The following ST3GAL3 variants were observed in gnomAD, a reference collection of about 807,000 sequenced individuals.
ST3GAL3 encodes the protein ST3 beta-galactoside alpha-2,3-sialyltransferase 3.
ST3GAL3 carries 21 observed loss-of-function variants against 50.1 expected under a neutral mutation model. That is an observed-to-expected ratio of 0.42 (90% CI 0.30 to 0.60). ST3GAL3 has a LOEUF of 0.60. ST3GAL3 is among the 20% of genes least tolerant of loss of function. The pLI, the probability that ST3GAL3 is intolerant of heterozygous loss-of-function variation, is 0.19. For synonymous variants in ST3GAL3, 183 were observed against 190.0 expected (o/e 0.96, Z 0.30); for missense variants, 353 against 489.4 (o/e 0.72, Z 2.63).
At chr1:43,740,337 C>CAA (rs879854207) in intron 2 of ST3GAL3, among the ~76,000 whole-genome samples, 4 of 77,524 alleles carry the variant, frequency 5.2e-5, no homozygotes, top group South Asian at 4.1e-4. Flanking sequence ...GACTCAGTCT[C>CAA]AAAAAAAAAA....
At chr1:43,874,413 A>C (rs188948267) in intron 5 of ST3GAL3, among the ~76,000 whole-genome samples, 23 of 152,348 alleles carry the variant, frequency 1.5e-4, no homozygotes, top group Admixed American at 1.2e-3. Flanking sequence ...GATGGAGATA[A>C]AATGAATAGG....
intron 2 of ST3GAL3, among the ~76,000 whole-genome samples, chr1:43,749,462 A>G (rs578246612): frequency 1.3e-5 from 2 of 152,324 alleles, no homozygotes; most frequent in African/African-American, 4.8e-5. Context: ...TAAGGAGGCA[A>G]ACAACCTAGT....
intron 5 of ST3GAL3, among the ~76,000 whole-genome samples, chr1:43,843,131 G>C (rs1348820989): frequency 2.6e-5 from 4 of 152,210 alleles, no homozygotes; most frequent in African/African-American, 9.7e-5. Flanking sequence ...AAATAGGTGA[G>C]GTGAGAGTGA....
chr1:43,805,338 A>G (rs1172527157), intron 3 of ST3GAL3, among the ~76,000 whole-genome samples: 1 of 152,250 alleles, frequency 6.6e-6, no homozygotes, highest in Non-Finnish European at 1.5e-5. Context: ...CACTTTGGAC[A>G]TAAATCCCAT....
At chr1:43,775,749 C>A (rs1696980812) in intron 2 of ST3GAL3, among the ~76,000 whole-genome samples, 1 of 151,812 alleles carries the variant, frequency 6.6e-6, no homozygotes, top group Admixed American at 6.6e-5. Flanking sequence ...GCATAGTTAC[C>A]AAATAAAAGA....
At chr1:43,893,357 A>C (rs2076921857) in intron 5 of ST3GAL3, among the ~76,000 whole-genome samples, 1 of 152,332 alleles carries the variant, frequency 6.6e-6, no homozygotes, top group African/African-American at 2.4e-5. Context: ...GGTCCTGAGC[A>C]GGCCCCATTG....
intron 1 of ST3GAL3, among the ~76,000 whole-genome samples, chr1:43,724,055 C>T (rs966300488): frequency 6.6e-6 from 1 of 151,950 alleles, no homozygotes. Context: ...CTGAGCTGCT[C>T]TCTATATTTA....
chr1:43,785,365 T>G (rs1453310521), intron 2 of ST3GAL3, among the ~76,000 whole-genome samples: 1 of 152,162 alleles, frequency 6.6e-6, no homozygotes, highest in Non-Finnish European at 1.5e-5. Context: ...CAGGTTCACC[T>G]CACACAGCCA....
At chr1:43,764,308 A>G (rs755616763) in intron 2 of ST3GAL3, among the ~76,000 whole-genome samples, 11 of 152,118 alleles carry the variant, frequency 7.2e-5, no homozygotes, top group Non-Finnish European at 1.0e-4. Context: ...GTACATTCTG[A>G]ATTTTTGCAG....
intron 9 of ST3GAL3, among the ~76,000 whole-genome samples, chr1:43,906,722 T>C (rs2079838963): frequency 6.6e-6 from 1 of 152,214 alleles, no homozygotes; most frequent in South Asian, 2.1e-4. Context: ...GTTCTCCTCT[T>C]CCTTCTGTCA....
intron 1 of ST3GAL3, among the ~76,000 whole-genome samples, chr1:43,731,802 G>A (rs1343637953): frequency 6.6e-6 from 1 of 152,020 alleles, no homozygotes; most frequent in African/African-American, 2.4e-5. Context: ...AAAGTACTGT[G>A]ATTACAGGCA....
chr1:43,707,852 A>ACT (rs1449717318), intron 1 of ST3GAL3, 159 bp downstream of exon 1: 1 of 152,178 alleles, frequency 6.6e-6, no homozygotes, highest in Non-Finnish European at 1.5e-5. Flanking sequence ...GGCACGGCCC[A>ACT]GTCGTCCTTC....
chr1:43,766,329 G>A (rs1692952956), intron 2 of ST3GAL3, among the ~76,000 whole-genome samples: 1 of 152,114 alleles, frequency 6.6e-6, no homozygotes. Context: ...TTTAAAGACT[G>A]AAAGCTGAGA....
At chr1:43,734,373 C>T (rs1677421291) in intron 1 of ST3GAL3, among the ~76,000 whole-genome samples, 1 of 142,416 alleles carries the variant, frequency 7.0e-6, no homozygotes, top group Non-Finnish European at 1.5e-5. Context: ...GGCACGCTCA[C>T]AACTCACTGC....
intron 2 of ST3GAL3, among the ~76,000 whole-genome samples, chr1:43,762,421 C>CA (rs1248619549): frequency 6.6e-6 from 1 of 152,076 alleles, no homozygotes; most frequent in East Asian, 1.9e-4. Flanking sequence ...TAAATTAATG[C>CA]ATGGCTACTT....
chr1:43,915,015 A>T (rs2081549109), intron 9 of ST3GAL3, among the ~76,000 whole-genome samples: 1 of 152,162 alleles, frequency 6.6e-6, no homozygotes, highest in Non-Finnish European at 1.5e-5. Context: ...AGCAGGAAAA[A>T]CTGGGGTCGG....
chr1:43,862,591 C>T (rs1351537459), intron 5 of ST3GAL3, among the ~76,000 whole-genome samples: 1 of 151,910 alleles, frequency 6.6e-6, no homozygotes, highest in Non-Finnish European at 1.5e-5. Flanking sequence ...GGCTTCCTTC[C>T]CAGGACCAAC....
intron 5 of ST3GAL3, among the ~76,000 whole-genome samples, chr1:43,878,516 G>A (rs1327956734): frequency 6.6e-6 from 1 of 152,194 alleles, no homozygotes; most frequent in African/African-American, 2.4e-5. Context: ...TGAGCCAAAT[G>A]TGTGTCTGAG....
chr1:43,882,307 T>C (rs2075276727), intron 5 of ST3GAL3, among the ~76,000 whole-genome samples: 1 of 152,134 alleles, frequency 6.6e-6, no homozygotes, highest in South Asian at 2.1e-4. Flanking sequence ...CTGGAAATTA[T>C]ACATAGTTGT....
Sources: gnomAD v4.1 joint callset for allele counts (sites outside exome capture counted in the v4.1 genomes callset) on GRCh38, gnomAD v4.1.1 for gene constraint, MANE v1.5 for transcripts, NCBI Gene and HGNC (gene_info 2026-07-23, HGNC 2026-07-21) for gene names.